MYO5B: variants seen among roughly 807,000 people sequenced by gnomAD.
MYO5B encodes myosin VB, also known as unconventional myosin-Vb.
MYO5B carries 143 observed loss-of-function variants against 229.3 expected under a neutral mutation model. That is an observed-to-expected ratio of 0.62 (90% CI 0.54 to 0.72). MYO5B has a LOEUF of 0.72. Ranked by LOEUF, MYO5B falls within the 30% of genes least tolerant of loss-of-function variation. The probability of loss-of-function intolerance (pLI) is 0.00; values close to 1 mark genes in which losing one functional copy is unlikely to be tolerated. For synonymous variants in MYO5B, 918 were observed against 885.2 expected (o/e 1.04, Z -0.66); for missense variants, 2,321 against 2,331.0 (o/e 1.00, Z 0.09).
intron 2 of MYO5B, among the ~76,000 whole-genome samples, chr18:50,050,126 CAAGATA>C (rs1471055240): frequency 6.6e-6 from 1 of 151,954 alleles, no homozygotes; most frequent in Non-Finnish European, 1.5e-5. Flanking sequence ...CAACTGAAAG[CAAGATA>C]AAGATAAAAA....
At chr18:50,055,223 C>CAGG in intron 2 of MYO5B, 45 bp downstream of exon 2, 11 of 739,476 alleles carry the variant, frequency 1.5e-5, no homozygotes, top group Admixed American at 1.9e-5. Flanking sequence ...CCTGAGCTCC[C>CAGG]TGCCCCACCT....
At chr18:50,017,421 G>A (rs545868267) in intron 4 of MYO5B, among the ~76,000 whole-genome samples, 64 of 152,220 alleles carry the variant, frequency 4.2e-4, no homozygotes, top group African/African-American at 1.2e-3. Context: ...CACTGCGCCC[G>A]GCTACCTTAG....
chr18:49,976,594 T>C (rs1335682043), intron 9 of MYO5B, among the ~76,000 whole-genome samples: 1 of 152,168 alleles, frequency 6.6e-6, no homozygotes, highest in African/African-American at 2.4e-5. Flanking sequence ...TCTTAAGAAA[T>C]TGCATTCTAA....
intron 1 of MYO5B, among the ~76,000 whole-genome samples, chr18:50,098,421 G>A (rs1043520718): frequency 6.6e-6 from 1 of 152,164 alleles, no homozygotes; most frequent in East Asian, 1.9e-4. Context: ...GTCCTAAAGA[G>A]TCCCATCAAA....
intron 35 of MYO5B, 73 bp downstream of exon 35, chr18:49,841,292 G>A: frequency 1.4e-6 from 2 of 1,393,416 alleles, no homozygotes; most frequent in African/African-American, 1.4e-5. Flanking sequence ...GACCTCTGAG[G>A]GTATACAAAG....
intron 3 of MYO5B, among the ~76,000 whole-genome samples, chr18:50,037,854 T>G (rs2029890284): frequency 6.6e-6 from 1 of 152,114 alleles, no homozygotes; most frequent in Non-Finnish European, 1.5e-5. Context: ...ATGGCACCAC[T>G]GTACTCCAGC....
chr18:50,194,322 G>C (rs561236030), intron 1 of MYO5B, among the ~76,000 whole-genome samples: 2 of 152,278 alleles, frequency 1.3e-5, no homozygotes, highest in Non-Finnish European at 1.5e-5. Flanking sequence ...CTCGAGAGCC[G>C]GCGCCGCAGA....
intron 27 of MYO5B, among the ~76,000 whole-genome samples, chr18:49,871,955 A>C (rs991755101): frequency 1.3e-5 from 2 of 152,196 alleles, no homozygotes; most frequent in African/African-American, 4.8e-5. Flanking sequence ...TATATTGGGT[A>C]GGTTATGTAT....
intron 22 of MYO5B, among the ~76,000 whole-genome samples, chr18:49,894,476 G>A (rs1348946210): frequency 6.6e-6 from 1 of 152,180 alleles, no homozygotes; most frequent in East Asian, 1.9e-4. Context: ...GCCCACCAGG[G>A]TGGGTGTGAC....
At chr18:49,995,481 G>C (rs1327722770) in intron 5 of MYO5B, among the ~76,000 whole-genome samples, 1 of 151,318 alleles carries the variant, frequency 6.6e-6, no homozygotes, top group South Asian at 2.1e-4. Context: ...GGATGGTCTC[G>C]ATCTCCTGAC....
Position 49,879,066 on chromosome 18 carries a change from T to G in MYO5B, c.3155A>C (p.Lys1052Thr). Residue 1052 changes from lysine to threonine, a missense_variant, in exon 24 of 40, where the codon AAG becomes ACG. Physicochemically the swap from Lys to Thr is moderately conservative, Grantham distance 78. Transcript: ENST00000285039. ...CAGTTCTTTCTTCATGAGATTTTCC[T>G]TCACAGAGTTCTGGGCAAATTCATC... ...SKDEFAQNSV[K>T]ENLMKKELEE... 6.2e-7 allele frequency: 1 copy of G among 1,614,230 alleles called. No individual in the cohort carries two copies. The highest frequency in any genetic ancestry group is 1.1e-5 in the South Asian group (1 of 91,090).
intron 1 of MYO5B, among the ~76,000 whole-genome samples, chr18:50,144,932 C>T (rs547972060): frequency 1.1e-4 from 16 of 152,292 alleles, no homozygotes; most frequent in African/African-American, 3.8e-4. Flanking sequence ...AGGATTCATG[C>T]CCACACTTCT....
At chr18:50,072,818 C>G (rs61014316) in intron 1 of MYO5B, among the ~76,000 whole-genome samples, 1,765 of 151,970 alleles carry the variant, frequency 0.012, 29 homozygotes, top group African/African-American at 0.041. Flanking sequence ...GGAGCTCCCA[C>G]TGGAGGAAGG....
At position 49,825,281 on chromosome 18, in the gene MYO5B, G is replaced by T. The variant is rs1279760716; in HGVS notation, c.*1190C>A. 2 of 152,148 alleles carry T rather than the reference G, an allele frequency of 1.3e-5. No homozygotes were observed. Among genetic ancestry groups the T allele is most frequent in the Non-Finnish European group, 1.5e-5 (1 of 68,020 alleles). 9.4% of individuals were successfully genotyped at this position (152,148 alleles called of 1,614,324 possible). On this transcript the variant is annotated 3_prime_UTR_variant, in exon 40 of 40. Coordinates refer to ENST00000285039, the MANE Select transcript of MYO5B (RefSeq NM_001080467.3). ...CTAAGAGCAGCAAACATCTAAGCCTGTTATATTACTGAATTACTTTTTTAA... is the reference window on the plus strand; with the variant it reads ...CTAAGAGCAGCAAACATCTAAGCCTTTTATATTACTGAATTACTTTTTTAA...
intron 1 of MYO5B, among the ~76,000 whole-genome samples, chr18:50,131,560 T>C (rs998437192): frequency 6.6e-6 from 1 of 152,230 alleles, no homozygotes; most frequent in Non-Finnish European, 1.5e-5. Context: ...GGCATGGCAC[T>C]TGGCCCAGTG....
At chr18:49,847,327 T>G in intron 32 of MYO5B, 38 bp from the exon 33 acceptor site, 1 of 1,605,986 alleles carries the variant, frequency 6.2e-7, no homozygotes. Flanking sequence ...GGATGAGACT[T>G]CCAGCTGCAG....
chr18:49,939,053 C>G (rs1194138166), intron 14 of MYO5B, among the ~76,000 whole-genome samples: 1 of 151,848 alleles, frequency 6.6e-6, no homozygotes, highest in Non-Finnish European at 1.5e-5. Context: ...TCCGTGTAAG[C>G]ATGTAGAAAA....
At position 49,925,991 on chromosome 18, in the gene MYO5B, C is replaced by T. The variant is rs572605188; in HGVS notation, c.2090+3521G>A. ...TTCATCTGAGGTGACAAGCTTGGCC[C>T]ACCTCATTAACAGAGTTGTTAGCTA... On this transcript the variant is annotated intron_variant, in intron 17 of 39. Transcript: ENST00000285039. Among the ~76,000 whole-genome samples, 42 of 152,288 alleles carry T rather than the reference C, an allele frequency of 2.8e-4. No homozygotes were observed. In the South Asian group the frequency reaches 3.9e-3, roughly 14 times the overall value.
chr18:50,096,039 A>G (rs2031543504), intron 1 of MYO5B, among the ~76,000 whole-genome samples: 2 of 152,212 alleles, frequency 1.3e-5, no homozygotes, highest in African/African-American at 4.8e-5. Flanking sequence ...CACCAAGCTC[A>G]GAACTTCGAA....
Sources: allele counts gnomAD v4.1 joint callset (sites outside exome capture counted in the v4.1 genomes callset), GRCh38; gene constraint gnomAD v4.1.1; transcripts MANE v1.5; gene names NCBI Gene and HGNC (gene_info 2026-07-23, HGNC 2026-07-21).